SCEL: variants seen among roughly 807,000 people sequenced by gnomAD.
SCEL encodes the protein sciellin.
SCEL carries 113 observed loss-of-function variants against 117.6 expected under a neutral mutation model. The ratio of observed to expected loss-of-function variants is 0.96; its 90% confidence interval spans 0.83 to 1.12. SCEL has a LOEUF of 1.12. Ranked by LOEUF, SCEL falls within the 50% of genes most tolerant of loss-of-function variation. The pLI is 0.00. For synonymous variants in SCEL, 270 were observed against 256.2 expected (o/e 1.05, Z -0.51); for missense variants, 785 against 810.8 (o/e 0.97, Z 0.39).
intron 9 of SCEL, among the ~76,000 whole-genome samples, chr13:77,575,761 G>C (rs1379023129): frequency 6.6e-6 from 1 of 152,118 alleles, no homozygotes. Context: ...TCAACCATTG[G>C]GATATTGATG....
At chr13:77,636,155 A>G (rs1356504844) in intron 29 of SCEL, among the ~76,000 whole-genome samples, 3 of 152,228 alleles carry the variant, frequency 2.0e-5, no homozygotes, top group African/African-American at 7.2e-5. Context: ...AGCGTGGTAC[A>G]GTATGGAGTC....
At chr13:77,568,452 T>G in intron 7 of SCEL, 119 bp downstream of exon 7, 1 of 615,116 alleles carries the variant, frequency 1.6e-6, no homozygotes, top group Non-Finnish European at 2.8e-6. Context: ...CTGGCAGAGT[T>G]GAGTAGTAGA....
intron 5 of SCEL, among the ~76,000 whole-genome samples, chr13:77,566,802 G>T (rs1284417799): frequency 7.9e-5 from 12 of 152,042 alleles, no homozygotes; most frequent in Admixed American, 7.9e-4. Flanking sequence ...AGTAGAAGGG[G>T]GAATAAATAA....
chr13:77,613,558 T>G (rs554882293), intron 23 of SCEL, among the ~76,000 whole-genome samples: 1 of 152,088 alleles, frequency 6.6e-6, no homozygotes, highest in Admixed American at 6.6e-5. Context: ...GGGAGGGTGT[T>G]GGGGAAAGGA....
At chr13:77,640,839 T>A (rs542565594) in intron 31 of SCEL, 55 bp downstream of exon 31, 3 of 902,564 alleles carry the variant, frequency 3.3e-6, no homozygotes, top group Non-Finnish European at 5.1e-6. Context: ...ATAACTGGAA[T>A]AAAATAATAA....
At chr13:77,637,415 T>TAA (rs1399598281) in intron 30 of SCEL, among the ~76,000 whole-genome samples, 1,338 of 9,850 alleles carry the variant, frequency 0.14, 23 homozygotes, top group Non-Finnish European at 0.2. Flanking sequence ...TATAAATAAA[T>TAA]ATATATATAT....
chr13:77,600,829 G>T (rs1432588973), intron 15 of SCEL, among the ~76,000 whole-genome samples: 1 of 152,142 alleles, frequency 6.6e-6, no homozygotes, highest in African/African-American at 2.4e-5. Context: ...CATGAAATTT[G>T]CCTTTCTAAC....
chr13:77,605,816 C>T (rs1003584308), intron 19 of SCEL, among the ~76,000 whole-genome samples: 12 of 152,042 alleles, frequency 7.9e-5, no homozygotes, highest in Non-Finnish European at 2.9e-5. Context: ...ACCATCCTGG[C>T]TAACACAGCG....
chr13:77,639,048 G>T (rs1394193592), intron 30 of SCEL, among the ~76,000 whole-genome samples: 1 of 152,026 alleles, frequency 6.6e-6, no homozygotes, highest in Non-Finnish European at 1.5e-5. Flanking sequence ...TTCAACCCAA[G>T]CCCTGGAAAC....
At chr13:77,541,495 AT>A (rs58572237) in intron 1 of SCEL, among the ~76,000 whole-genome samples, 2,660 of 152,316 alleles carry the variant, frequency 0.017, 84 homozygotes, top group African/African-American at 0.059. Flanking sequence ...TTCAAAGAAA[AT>A]AATCAGATAC....
At chr13:77,548,448 A>G (rs2084115493) in intron 1 of SCEL, among the ~76,000 whole-genome samples, 1 of 152,242 alleles carries the variant, frequency 6.6e-6, no homozygotes, top group African/African-American at 2.4e-5. Context: ...TTTGAGGGAC[A>G]TGGAAAGTTC....
chr13:77,569,522 C>T, intron 8 of SCEL, 71 bp downstream of exon 8: 5 of 1,201,514 alleles, frequency 4.2e-6, no homozygotes, highest in Non-Finnish European at 6.0e-6. Context: ...GCTTCCTCCT[C>T]TTTTTTGTGG....
chr13:77,622,173 G>T (rs1023485481), intron 27 of SCEL, among the ~76,000 whole-genome samples: 1 of 152,094 alleles, frequency 6.6e-6, no homozygotes, highest in Non-Finnish European at 1.5e-5. Flanking sequence ...GAATACCATA[G>T]TAAATTTTTT....
At position 77,591,396 on chromosome 13, in the gene SCEL, C is replaced by G. The variant is rs1425323179; in HGVS notation, c.628C>G (p.Gln210Glu). 1 of 1,560,336 alleles carries G rather than the reference C, an allele frequency of 6.4e-7. No homozygotes were observed. The highest frequency in any genetic ancestry group is 8.8e-7 in the Non-Finnish European group (1 of 1,133,852). ...AATCTTCTAACTTTGAAAATATAGG[C>G]AGATACATCCACCTAAACCAGGTGT... The part of the protein sequence containing the change: ...SPNQLRQDNR[Q>E]IHPPKPGVYT... Residue 210 changes from glutamine (Q) to glutamate (E), a missense_variant and splice_region_variant, in exon 11 of 33, where the codon CAG (glutamine) becomes GAG (glutamate). Transcript: ENST00000349847.
intron 1 of SCEL, among the ~76,000 whole-genome samples, chr13:77,539,623 C>T (rs971435838): frequency 5.1e-4 from 77 of 152,128 alleles, no homozygotes; most frequent in African/African-American, 1.4e-3. Context: ...CTGCAAGCTC[C>T]GCCTCCCGGG....
At chr13:77,619,646 G>A (rs1156513059) in intron 27 of SCEL, among the ~76,000 whole-genome samples, 3 of 152,212 alleles carry the variant, frequency 2.0e-5, no homozygotes, top group Non-Finnish European at 4.4e-5. Context: ...TTTTCTAAAA[G>A]CTGAAATAAC....
At chr13:77,545,540 A>G (rs1277011385) in intron 1 of SCEL, among the ~76,000 whole-genome samples, 3 of 152,264 alleles carry the variant, frequency 2.0e-5, no homozygotes, top group Non-Finnish European at 4.4e-5. Context: ...ATGTATATAT[A>G]AAGTACTGTT....
chr13:77,624,436 G>A (rs2089614692), intron 27 of SCEL, among the ~76,000 whole-genome samples: 1 of 152,064 alleles, frequency 6.6e-6, no homozygotes, highest in Non-Finnish European at 1.5e-5. Flanking sequence ...TCCTCACTTT[G>A]TCTTCCCTCT....
chr13:77,643,369 A>G (rs146542039), intron 32 of SCEL, among the ~76,000 whole-genome samples: 233 of 152,268 alleles, frequency 1.5e-3, no homozygotes, highest in African/African-American at 4.3e-3. Flanking sequence ...TTTAACTAAC[A>G]TTTTTTATAA....
Sources: gnomAD v4.1 joint callset for allele counts (sites outside exome capture counted in the v4.1 genomes callset) on GRCh38, gnomAD v4.1.1 for gene constraint, MANE v1.5 for transcripts, NCBI Gene and HGNC (gene_info 2026-07-23, HGNC 2026-07-21) for gene names.